The following KCND2 variants were observed in gnomAD, a reference collection of about 807,000 sequenced individuals.
The protein encoded by KCND2 is potassium voltage-gated channel subfamily D member 2.
In KCND2, 16 loss-of-function variants were observed where a neutral mutation model predicts 54.4. That is an observed-to-expected ratio of 0.29 (90% CI 0.20 to 0.45). The LOEUF is 0.45. Among genes scored for constraint, KCND2 ranks in the 20% least tolerant of loss-of-function variants. KCND2 has a pLI of 1.00. For synonymous variants in KCND2, 317 were observed against 310.7 expected (o/e 1.02, Z -0.21); for missense variants, 486 against 824.2 (o/e 0.59, Z 5.02).
At chr7:120,521,348 A>G (rs1299724210) in intron 1 of KCND2, among the ~76,000 whole-genome samples, 1 of 152,074 alleles carries the variant, frequency 6.6e-6, no homozygotes, top group African/African-American at 2.4e-5. Context: ...TATATTACAA[A>G]TGTTTTTATT....
intron 1 of KCND2, among the ~76,000 whole-genome samples, chr7:120,708,291 C>A (rs1792495446): frequency 6.6e-6 from 1 of 152,100 alleles, no homozygotes; most frequent in African/African-American, 2.4e-5. Flanking sequence ...AAATTACAAA[C>A]CTTCTAGGTA....
At position 120,635,005 on chromosome 7, in the gene KCND2, A is replaced by G. The variant is rs554447947; in HGVS notation, c.1116-97898A>G. Among the ~76,000 whole-genome samples, 56 of 152,268 alleles carry G rather than the reference A, an allele frequency of 3.7e-4. 2 individuals carry two copies. In the Middle Eastern group the frequency reaches 0.027, roughly 74 times the overall value. Reference sequence around the variant, plus strand: ...TTCTGTCTTCCCTTGGTTGATTTCTATCGATCTTCAAAATCTACTAGTTGA... The same window carrying G: ...TTCTGTCTTCCCTTGGTTGATTTCTGTCGATCTTCAAAATCTACTAGTTGA... On this transcript the variant is annotated intron_variant, in intron 1 of 5. Coordinates refer to ENST00000331113, the MANE Select transcript of KCND2 (RefSeq NM_012281.3).
rs1799126209 is a variant in KCND2, at chr7:120,273,861, A to G, written c.-772A>G. On this transcript the variant is annotated 5_prime_UTR_variant, in exon 1 of 6. Coordinates refer to ENST00000331113, the MANE Select transcript of KCND2 (RefSeq NM_012281.3). ...AGCTCCTGAGCTCTGTAACTGTCAC[A>G]CTGCACCTGAGCTGAACTTGAAAAG... The G allele has an allele frequency of 6.5e-6, 1 of 152,744 alleles. No individual in the cohort carries two copies. Among genetic ancestry groups the G allele is most frequent in the Admixed American group, 6.5e-5 (1 of 15,288 alleles). 9.5% of individuals were successfully genotyped at this position (152,744 alleles called of 1,614,324 possible). A position where few individuals can be genotyped will look rare whatever the true frequency, so the allele number is the denominator to read the frequency against.
chr7:120,682,957 C>A (rs1404660334), intron 1 of KCND2, among the ~76,000 whole-genome samples: 2 of 152,038 alleles, frequency 1.3e-5, no homozygotes, highest in African/African-American at 4.8e-5. Flanking sequence ...GAACAACTTG[C>A]AAAGAATAAA....
intron 1 of KCND2, among the ~76,000 whole-genome samples, chr7:120,657,361 A>G (rs1478518076): frequency 6.6e-6 from 1 of 152,154 alleles, no homozygotes; most frequent in Non-Finnish European, 1.5e-5. Context: ...ATATATCTAT[A>G]TCTATATAGA....
intron 1 of KCND2, among the ~76,000 whole-genome samples, chr7:120,280,844 A>G (rs1464680679): frequency 6.6e-6 from 1 of 152,098 alleles, no homozygotes; most frequent in Admixed American, 6.6e-5. Flanking sequence ...CTGATTATAC[A>G]GGGATAAGAG....
At chr7:120,395,713 G>A (rs1247685065) in intron 1 of KCND2, among the ~76,000 whole-genome samples, 2 of 151,980 alleles carry the variant, frequency 1.3e-5, no homozygotes, top group Non-Finnish European at 2.9e-5. Context: ...AATCATATAA[G>A]GTAACTTCCA....
At chr7:120,503,671 T>A (rs1247412372) in intron 1 of KCND2, among the ~76,000 whole-genome samples, 1 of 151,938 alleles carries the variant, frequency 6.6e-6, no homozygotes, top group African/African-American at 2.4e-5. Context: ...TTCCTCAGTA[T>A]CCTCTATATT....
intron 1 of KCND2, among the ~76,000 whole-genome samples, chr7:120,540,775 CAT>C (rs1445038192): frequency 1.3e-5 from 2 of 151,990 alleles, no homozygotes; most frequent in Admixed American, 1.3e-4. Context: ...TAAATGTTCA[CAT>C]GTTTGACTGG....
intron 1 of KCND2, among the ~76,000 whole-genome samples, chr7:120,590,290 T>C (rs1270565859): frequency 6.6e-6 from 1 of 152,114 alleles, no homozygotes; most frequent in African/African-American, 2.4e-5. Flanking sequence ...AGTGCTGGGA[T>C]ACAGGCGTGA....
intron 1 of KCND2, among the ~76,000 whole-genome samples, chr7:120,616,385 C>G (rs926443303): frequency 6.6e-6 from 1 of 152,120 alleles, no homozygotes; most frequent in African/African-American, 2.4e-5. Context: ...CTATATAGGG[C>G]TAACCATAAA....
intron 1 of KCND2, among the ~76,000 whole-genome samples, chr7:120,510,307 A>C (rs1469348397): frequency 6.6e-6 from 1 of 152,162 alleles, no homozygotes; most frequent in Non-Finnish European, 1.5e-5. Flanking sequence ...ATTGTAGAGA[A>C]GAAGAAACTG....
At chr7:120,609,849 C>T (rs60967957) in intron 1 of KCND2, among the ~76,000 whole-genome samples, 2 of 152,034 alleles carry the variant, frequency 1.3e-5, no homozygotes, top group Non-Finnish European at 2.9e-5. Flanking sequence ...AAGCACAGGG[C>T]CCTCATAAAT....
In KCND2 at chr7:120,383,122, G is replaced by T. The variant is rs563409533; in HGVS notation, c.1115+107375G>T. On this transcript the variant is annotated intron_variant, in intron 1 of 5. Coordinates refer to ENST00000331113, the MANE Select transcript of KCND2 (RefSeq NM_012281.3). The stretch of plus-strand genomic sequence containing the variant: ...TCCAAAAGTTTAGATGATACAAATT[G>T]TTCTGAAATTAATTCTGAGTGATAT... Among the ~76,000 whole-genome samples the T allele has an allele frequency of 1.1e-4, 17 of 152,110 alleles. No individual in the cohort carries two copies. In the East Asian group the frequency reaches 3.3e-3, roughly 29 times the overall value.
rs189753023 is a variant in KCND2 at position 120,582,471 on chromosome 7, G to A, written c.1116-150432G>A. Among the ~76,000 whole-genome samples the A allele has an allele frequency of 3.9e-3, 597 of 152,108 alleles. 5 individuals are homozygous for A. The highest frequency in any genetic ancestry group is 0.012 in the African/African-American group (517 of 41,480). ...TGATCATTTGTTGATTAAATTAGTG[G>A]TTGTTTTCCTTCAACCTCCTGCTGT... On this transcript the variant is annotated intron_variant, in intron 1 of 5. Coordinates refer to ENST00000331113, the MANE Select transcript of KCND2 (RefSeq NM_012281.3).
intron 1 of KCND2, among the ~76,000 whole-genome samples, chr7:120,499,448 C>T (rs888281942): frequency 2.0e-5 from 3 of 151,932 alleles, no homozygotes; most frequent in Non-Finnish European, 4.4e-5. Flanking sequence ...CATTTTATTT[C>T]TATTTTGTGC....
At chr7:120,401,636 A>C (rs1055117205) in intron 1 of KCND2, among the ~76,000 whole-genome samples, 1 of 152,084 alleles carries the variant, frequency 6.6e-6, no homozygotes, top group Non-Finnish European at 1.5e-5. Flanking sequence ...CTGTGTTTAT[A>C]AGGCGTCAGT....
chr7:120,660,056 G>A (rs1477024933), intron 1 of KCND2, among the ~76,000 whole-genome samples: 3 of 152,066 alleles, frequency 2.0e-5, no homozygotes, highest in Non-Finnish European at 4.4e-5. Flanking sequence ...TTATGGGTGG[G>A]CATGGTTAAT....
At position 120,274,951 on chromosome 7, in the gene KCND2, C is replaced by A; in HGVS notation, c.319C>A (p.Pro107Thr). ...CTACCGCACTGGGAAGCTCCACTATCCTCGCCACGAGTGCATCTCTGCTTA... is the reference window on the plus strand; with the variant it reads ...CTACCGCACTGGGAAGCTCCACTATACTCGCCACGAGTGCATCTCTGCTTA... ...NFYRTGKLHY[P>T]RHECISAYDE... Residue 107 changes from proline to threonine, a missense_variant, in exon 1 of 6, where the codon CCT becomes ACT. This residue lies in a region of KCND2 where 231 missense variants were observed against 386.0 expected (regional missense o/e 0.60). Coordinates refer to ENST00000331113, the MANE Select transcript of KCND2 (RefSeq NM_012281.3). 1 of 1,614,142 alleles carries A rather than the reference C, an allele frequency of 6.2e-7. No individual in the cohort carries two copies. The highest frequency in any genetic ancestry group is 8.5e-7 in the Non-Finnish European group (1 of 1,180,040).
Sources: gnomAD v4.1 joint callset for allele counts (sites outside exome capture counted in the v4.1 genomes callset) on GRCh38, gnomAD v4.1.1 for gene constraint, gnomAD v4.1.1 regional missense constraint, MANE v1.5 for transcripts, NCBI Gene and HGNC (gene_info 2026-07-23, HGNC 2026-07-21) for gene names.